Variants in TAFA1 observed in about 807,000 individuals in gnomAD.
TAFA1 encodes the protein TAFA chemokine like family member 1, also known as chemokine-like protein TAFA-1.
TAFA1 carries 4 observed loss-of-function variants against 18.5 expected under a neutral mutation model. The ratio of observed to expected loss-of-function variants is 0.22; its 90% CI spans 0.11 to 0.49. The LOEUF (loss-of-function observed/expected upper bound fraction) is 0.49. Ranked by LOEUF, TAFA1 falls within the 20% of genes least tolerant of loss-of-function variation. The probability of loss-of-function intolerance (pLI) is 0.98; values close to 1 mark genes in which losing one functional copy is unlikely to be tolerated. For synonymous variants in TAFA1, 56 were observed against 55.2 expected, an observed-to-expected ratio of 1.01 and a Z score of -0.06; for missense variants, 147 against 169.0, an observed-to-expected ratio of 0.87 and a Z score of 0.72.
At chr3:68,382,987 G>T (rs2070008273) in intron 2 of TAFA1, among the ~76,000 whole-genome samples, 1 of 152,018 alleles carries the variant, frequency 6.6e-6, no homozygotes, top group East Asian at 1.9e-4. Context: ...TTGTGTTCCT[G>T]GTTTGGCTTT....
chr3:68,093,921 C>G (rs1377926739), intron 2 of TAFA1, among the ~76,000 whole-genome samples: 1 of 152,028 alleles, frequency 6.6e-6, no homozygotes, highest in South Asian at 2.1e-4. Context: ...AGTCACCAGG[C>G]CTGTCTCTTG....
At chr3:68,339,097 C>A (rs996922346) in intron 2 of TAFA1, among the ~76,000 whole-genome samples, 3 of 152,204 alleles carry the variant, frequency 2.0e-5, no homozygotes, top group Non-Finnish European at 2.9e-5. Context: ...TGGCCAAAAC[C>A]AATATCAGTG....
At chr3:68,189,848 G>C (rs952580806) in intron 2 of TAFA1, among the ~76,000 whole-genome samples, 6 of 151,894 alleles carry the variant, frequency 4.0e-5, no homozygotes, top group African/African-American at 1.4e-4. Context: ...TAATATTGCT[G>C]TTGTCACTGC....
chr3:68,326,507 T>C (rs1377833641), intron 2 of TAFA1, among the ~76,000 whole-genome samples: 1 of 152,182 alleles, frequency 6.6e-6, no homozygotes, highest in Non-Finnish European at 1.5e-5. Context: ...CATGTTGACC[T>C]GAGAGTTTGC....
chr3:68,401,094 C>G (rs569808395), intron 2 of TAFA1, among the ~76,000 whole-genome samples: 1 of 152,178 alleles, frequency 6.6e-6, no homozygotes, highest in African/African-American at 2.4e-5. Context: ...GGAGTTTTCA[C>G]TTCTTGGTAG....
intron 2 of TAFA1, among the ~76,000 whole-genome samples, chr3:68,221,526 A>T (rs1005492938): frequency 2.0e-5 from 3 of 152,184 alleles, no homozygotes; most frequent in Admixed American, 6.5e-5. Flanking sequence ...ACAGACAAAA[A>T]GTTACCTTTC....
At chr3:68,357,596 C>T (rs1007187881) in intron 2 of TAFA1, among the ~76,000 whole-genome samples, 6 of 151,822 alleles carry the variant, frequency 4.0e-5, no homozygotes, top group Non-Finnish European at 7.4e-5. Flanking sequence ...CTCTGCTAGG[C>T]CAGCCAAGTA....
chr3:68,150,591 A>T (rs2065795159), intron 2 of TAFA1, among the ~76,000 whole-genome samples: 1 of 152,088 alleles, frequency 6.6e-6, no homozygotes, highest in Non-Finnish European at 1.5e-5. Flanking sequence ...CTGCTTCACC[A>T]AGAGGAGTGT....
rs1212139400 is a variant in TAFA1, at chr3:68,411,602, T to C, written c.119-5678T>C. Among the ~76,000 whole-genome samples, 3 of 152,174 alleles carry C rather than the reference T, an allele frequency of 2.0e-5. No homozygotes were observed. In the East Asian group the frequency reaches 5.8e-4, roughly 29 times the overall value. On this transcript the variant is annotated intron_variant, in intron 2 of 4. Transcript: ENST00000478136. ...ATAGCTGATAATCACCTAAGTATGA[T>C]TGATTTCACTTTTTCCTTAGCAGAA... is the stretch of plus-strand genomic sequence containing the variant.
At chr3:68,083,122 G>A (rs2064925691) in intron 2 of TAFA1, among the ~76,000 whole-genome samples, 1 of 152,120 alleles carries the variant, frequency 6.6e-6, no homozygotes, top group African/African-American at 2.4e-5. Flanking sequence ...GAGCCCGAAA[G>A]GAAAAATGTG....
chr3:68,276,368 TC>T (rs1211564950), intron 2 of TAFA1, among the ~76,000 whole-genome samples: 2 of 152,128 alleles, frequency 1.3e-5, no homozygotes, highest in Admixed American at 1.3e-4. Context: ...CTGGTAGCAT[TC>T]CCCTCTTGCG....
rs532216609 is a variant in TAFA1, at chr3:68,223,944, T to A, written c.119-193336T>A. Among the ~76,000 whole-genome samples, 15 of 151,472 alleles carry A rather than the reference T, an allele frequency of 9.9e-5. No individual in the cohort carries two copies. In the East Asian group the frequency reaches 2.9e-3, roughly 29 times the overall value. On this transcript the variant is annotated intron_variant, in intron 2 of 4. Transcript: ENST00000478136. The stretch of plus-strand genomic sequence containing the variant: ...ACTACCTCAACATCAAGTATATGAA[T>A]TTGACTAAACCTTAATCCAGATTTT...
At chr3:68,108,861 C>A (rs1405642823) in intron 2 of TAFA1, among the ~76,000 whole-genome samples, 1 of 151,824 alleles carries the variant, frequency 6.6e-6, no homozygotes, top group Non-Finnish European at 1.5e-5. Flanking sequence ...TAATATTTAA[C>A]CAATCCCATT....
intron 2 of TAFA1, among the ~76,000 whole-genome samples, chr3:68,056,329 C>A (rs992907563): frequency 6.6e-6 from 1 of 152,158 alleles, no homozygotes; most frequent in South Asian, 2.1e-4. Flanking sequence ...AGTCCCACAT[C>A]CTGAAAAGCT....
intron 2 of TAFA1, among the ~76,000 whole-genome samples, chr3:68,369,193 A>T (rs1220111425): frequency 2.0e-5 from 3 of 152,106 alleles, no homozygotes; most frequent in Non-Finnish European, 1.5e-5. Flanking sequence ...GCAGGCACAC[A>T]CACACACACC....
intron 2 of TAFA1, among the ~76,000 whole-genome samples, chr3:68,181,837 T>C (rs1349064501): frequency 1.3e-5 from 2 of 152,272 alleles, no homozygotes; most frequent in South Asian, 2.1e-4. Context: ...ATCTAAGTTA[T>C]GAAAGAAGCA....
chr3:68,073,002 A>T (rs1218646645), intron 2 of TAFA1, among the ~76,000 whole-genome samples: 1 of 152,066 alleles, frequency 6.6e-6, no homozygotes, highest in Non-Finnish European at 1.5e-5. Flanking sequence ...GGAAGAATGT[A>T]CTCTTCCCCT....
chr3:68,394,189 C>A (rs1187517101), intron 2 of TAFA1, among the ~76,000 whole-genome samples: 1 of 152,170 alleles, frequency 6.6e-6, no homozygotes, highest in East Asian at 1.9e-4. Flanking sequence ...CATGAGTAAA[C>A]TCCCATTCAC....
intron 2 of TAFA1, among the ~76,000 whole-genome samples, chr3:68,141,782 C>T (rs2065670011): frequency 6.6e-6 from 1 of 152,170 alleles, no homozygotes; most frequent in Non-Finnish European, 1.5e-5. Flanking sequence ...TCCTTTTGAA[C>T]AATTGGATAC....
Sources: allele counts gnomAD v4.1 joint callset (sites outside exome capture counted in the v4.1 genomes callset), GRCh38; gene constraint gnomAD v4.1.1; transcripts MANE v1.5; gene names NCBI Gene and HGNC (gene_info 2026-07-23, HGNC 2026-07-21).